SH3RF3: variants seen among roughly 807,000 people sequenced by gnomAD.
SH3RF3 encodes the protein E3 ubiquitin-protein ligase SH3RF3.
In SH3RF3, 29 loss-of-function variants were observed where a neutral mutation model predicts 66.3. The observed-to-expected ratio is 0.44, with a 90% CI of 0.33 to 0.60. The LOEUF is 0.60. Ranked by LOEUF, SH3RF3 falls within the 20% of genes least tolerant of loss-of-function variation. SH3RF3 has a pLI of 0.04. For missense variants in SH3RF3, 1,194 were observed against 1,190.9 expected (o/e 1.00, Z -0.04); for synonymous variants, 583 against 532.0 (o/e 1.10, Z -1.32).
chr2:109,498,804 AT>A (rs1203046785), intron 9 of SH3RF3, among the ~76,000 whole-genome samples: 1 of 152,170 alleles, frequency 6.6e-6, no homozygotes, highest in East Asian at 1.9e-4. Context: ...AAACAGGTGA[AT>A]GGCTGGGCAG....
chr2:109,259,285 A>G (rs892945706), intron 1 of SH3RF3, among the ~76,000 whole-genome samples: 4 of 152,178 alleles, frequency 2.6e-5, no homozygotes, highest in Non-Finnish European at 5.9e-5. Flanking sequence ...CTCCTGAACA[A>G]CTGGCTCTGA....
At chr2:109,482,442 T>C (rs555991511) in intron 8 of SH3RF3, among the ~76,000 whole-genome samples, 1 of 152,334 alleles carries the variant, frequency 6.6e-6, no homozygotes, top group East Asian at 1.9e-4. Context: ...CATCACGCAC[T>C]TCCCGCAGAA....
At chr2:109,336,847 C>T (rs1287416920) in intron 1 of SH3RF3, among the ~76,000 whole-genome samples, 2 of 151,926 alleles carry the variant, frequency 1.3e-5, no homozygotes, top group Non-Finnish European at 2.9e-5. Flanking sequence ...CTGCTCCAAC[C>T]GTATCCGTCA....
intron 1 of SH3RF3, among the ~76,000 whole-genome samples, chr2:109,193,939 G>A (rs1678431979): frequency 1.3e-5 from 2 of 152,204 alleles, no homozygotes; most frequent in African/African-American, 4.8e-5. Flanking sequence ...GAAAAAGTGA[G>A]GTCAGTTGGA....
chr2:109,248,768 CTT>C (rs1282156093), intron 1 of SH3RF3, among the ~76,000 whole-genome samples: 8 of 150,858 alleles, frequency 5.3e-5, no homozygotes, highest in South Asian at 2.1e-4. Context: ...CTCTCTCTCT[CTT>C]TCTCTTCTTT....
Position 109,149,263 on chromosome 2 carries a change from C to T in SH3RF3, c.573+19150C>T, listed in dbSNP as rs570955965. Among the ~76,000 whole-genome samples, 227 of 152,212 alleles carry T rather than the reference C, an allele frequency of 1.5e-3. 1 individual carries two copies. Among genetic ancestry groups the T allele is most frequent in the Non-Finnish European group, 2.2e-3 (150 of 68,012 alleles). ...GTCAGACACTAAGAATGTTCTATGG[C>T]CCCCCGGGACCCGTTCTCTGGGAGA... is the stretch of plus-strand genomic sequence containing the variant. On this transcript the variant is annotated intron_variant, in intron 1 of 9. Transcript: ENST00000309415.
At chr2:109,291,499 C>T (rs955597167) in intron 1 of SH3RF3, among the ~76,000 whole-genome samples, 7 of 152,214 alleles carry the variant, frequency 4.6e-5, no homozygotes, top group Middle Eastern at 3.4e-3. Flanking sequence ...CCTTCGGGCA[C>T]GTGCTGCGGA....
At chr2:109,432,729 C>A (rs1573247319) in intron 6 of SH3RF3, 58 bp downstream of exon 6, 1 of 1,553,750 alleles carries the variant, frequency 6.4e-7, no homozygotes, top group East Asian at 2.3e-5. Context: ...GCACGCCTTA[C>A]CGCTGTTGTT....
intron 1 of SH3RF3, among the ~76,000 whole-genome samples, chr2:109,163,854 A>G (rs963325313): frequency 6.6e-6 from 1 of 152,162 alleles, no homozygotes; most frequent in African/African-American, 2.4e-5. Context: ...TCTCTGGTCT[A>G]TTACCAACTA....
At chr2:109,188,585 C>T (rs1440677716) in intron 1 of SH3RF3, among the ~76,000 whole-genome samples, 1 of 152,186 alleles carries the variant, frequency 6.6e-6, no homozygotes, top group Middle Eastern at 3.2e-3. Flanking sequence ...GGCAGGGGTC[C>T]CGTCCCCTCT....
intron 1 of SH3RF3, among the ~76,000 whole-genome samples, chr2:109,280,248 A>G (rs1680851195): frequency 6.6e-6 from 1 of 152,160 alleles, no homozygotes; most frequent in Non-Finnish European, 1.5e-5. Flanking sequence ...CAGCAGCAGG[A>G]CCTAGCGTGT....
intron 1 of SH3RF3, among the ~76,000 whole-genome samples, chr2:109,259,598 T>G (rs1454793220): frequency 6.6e-6 from 1 of 152,256 alleles, no homozygotes; most frequent in Non-Finnish European, 1.5e-5. Context: ...TTACCATGTT[T>G]GGGCGGCATG....
At chr2:109,219,381 GGA>G (rs1219610373) in intron 1 of SH3RF3, among the ~76,000 whole-genome samples, 1 of 152,006 alleles carries the variant, frequency 6.6e-6, no homozygotes, top group Non-Finnish European at 1.5e-5. Flanking sequence ...AATAAAACAA[GGA>G]ACATTTTAGT....
At chr2:109,268,105 G>A (rs1368937015) in intron 1 of SH3RF3, among the ~76,000 whole-genome samples, 1 of 151,872 alleles carries the variant, frequency 6.6e-6, no homozygotes, top group Non-Finnish European at 1.5e-5. Context: ...CCGATGGGGA[G>A]GAAGGGGCTG....
chr2:109,231,337 A>G lies in SH3RF3; in HGVS notation c.573+101224A>G, dbSNP rs1346555463. On this transcript the variant is annotated intron_variant, in intron 1 of 9. Transcript: ENST00000309415. ...ATGACATTTTGACAAGTGTGTTACA[A>G]TAAAAAATAACTCCCCTGGGAGAAG... Among the ~76,000 whole-genome samples the G allele has an allele frequency of 3.3e-5, 5 of 152,280 alleles. No individual in the cohort carries two copies. In the South Asian group the frequency reaches 8.3e-4, roughly 25 times the overall value.
chr2:109,403,745 C>T (rs1676376536), intron 4 of SH3RF3, among the ~76,000 whole-genome samples: 1 of 152,154 alleles, frequency 6.6e-6, no homozygotes, highest in Admixed American at 6.5e-5. Flanking sequence ...CTCTTGGAGC[C>T]CTGCAGTTAA....
chr2:109,445,120 A>G (rs1175019789), intron 7 of SH3RF3, among the ~76,000 whole-genome samples: 1 of 152,240 alleles, frequency 6.6e-6, no homozygotes, highest in Non-Finnish European at 1.5e-5. Flanking sequence ...GGAAAGCCAT[A>G]CAGAGGAATT....
At chr2:109,157,079 C>T (rs971380624) in intron 1 of SH3RF3, among the ~76,000 whole-genome samples, 2 of 152,188 alleles carry the variant, frequency 1.3e-5, no homozygotes. Flanking sequence ...TTGGTAAACA[C>T]AGGTGGCTCC....
intron 1 of SH3RF3, among the ~76,000 whole-genome samples, chr2:109,238,684 G>A (rs1460195382): frequency 6.6e-6 from 1 of 152,134 alleles, no homozygotes; most frequent in Admixed American, 6.6e-5. Context: ...TCACAGGATG[G>A]CCTCACTCCA....
Sources: allele counts gnomAD v4.1 joint callset (sites outside exome capture counted in the v4.1 genomes callset), GRCh38; gene constraint gnomAD v4.1.1; transcripts MANE v1.5; gene names NCBI Gene and HGNC (gene_info 2026-07-23, HGNC 2026-07-21).